CDKN2B-AS1: variants seen among roughly 807,000 people sequenced by gnomAD.
CDKN2B-AS1 encodes CDKN2B and CDKN2A antisense cis and trans regulatory RNA 1.
chr9:21,994,837 C>G (rs1035384419), upstream of CDKN2B-AS1: 1 of 165,902 alleles, frequency 6.0e-6, no homozygotes, highest in Non-Finnish European at 1.3e-5. Flanking sequence ...CAGCCGCGCT[C>G]CCGCGGATTC....
At chr9:22,123,756 T>C (rs1563995581) in intron 4 of CDKN2B-AS1, among the ~76,000 whole-genome samples, 1 of 152,192 alleles carries the variant, frequency 6.6e-6, no homozygotes, top group Non-Finnish European at 1.5e-5. Context: ...ATCTGTGTTG[T>C]TCCAGGGGAC....
intron 1 of CDKN2B-AS1, among the ~76,000 whole-genome samples, chr9:22,010,872 G>A (rs1821464435): frequency 6.6e-6 from 1 of 152,136 alleles, no homozygotes; most frequent in African/African-American, 2.4e-5. Flanking sequence ...ATTTTCTTAG[G>A]TAGTAAATAT....
intron 4 of CDKN2B-AS1, chr9:22,065,799 G>A (rs1018004640): frequency 1.3e-5 from 2 of 152,190 alleles, no homozygotes; most frequent in African/African-American, 4.8e-5. Flanking sequence ...TAGAAAATGT[G>A]AGTCAGTCTT....
At chr9:22,061,483 T>A (rs780044928) in intron 4 of CDKN2B-AS1, among the ~76,000 whole-genome samples, 23 of 152,190 alleles carry the variant, frequency 1.5e-4, no homozygotes, top group Non-Finnish European at 2.5e-4. Context: ...ATTGGGCCTA[T>A]TAGCTACAAA....
At chr9:22,109,845 T>A (rs138043452) in intron 4 of CDKN2B-AS1, among the ~76,000 whole-genome samples, 1 of 152,260 alleles carries the variant, frequency 6.6e-6, no homozygotes, top group Admixed American at 6.5e-5. Context: ...GGTGCAAGAT[T>A]TTCCATGCCT....
intron 1 of CDKN2B-AS1, among the ~76,000 whole-genome samples, chr9:22,019,520 A>T (rs1013294850): frequency 2.0e-5 from 3 of 152,242 alleles, no homozygotes; most frequent in African/African-American, 7.2e-5. Flanking sequence ...GTTGGTGATC[A>T]TGGTCACCAA....
chr9:22,089,433 A>C (rs1205634455), intron 4 of CDKN2B-AS1, among the ~76,000 whole-genome samples: 1 of 152,068 alleles, frequency 6.6e-6, no homozygotes, highest in Non-Finnish European at 1.5e-5. Flanking sequence ...ACAAAAACTT[A>C]CTAAACTTTT....
intron 1 of CDKN2B-AS1, among the ~76,000 whole-genome samples, chr9:22,021,713 G>C (rs1209420389): frequency 6.6e-6 from 1 of 152,070 alleles, no homozygotes; most frequent in Non-Finnish European, 1.5e-5. Context: ...GGGTCTTCTA[G>C]ATATAAGATC....
chr9:22,076,244 G>C (rs1824486732), intron 4 of CDKN2B-AS1, among the ~76,000 whole-genome samples: 1 of 152,060 alleles, frequency 6.6e-6, no homozygotes, highest in Non-Finnish European at 1.5e-5. Context: ...AGTAGAGACA[G>C]GGTTTCACCA....
At chr9:22,104,000 A>G (rs1210336880) in intron 4 of CDKN2B-AS1, among the ~76,000 whole-genome samples, 1 of 152,244 alleles carries the variant, frequency 6.6e-6, no homozygotes, top group Non-Finnish European at 1.5e-5. Flanking sequence ...TGAAATAAAA[A>G]TAAAATGTAG....
intron 3 of CDKN2B-AS1, chr9:22,056,247 T>TTTTTC (rs397743274): frequency 1.5e-5 from 2 of 132,688 alleles, no homozygotes; most frequent in Non-Finnish European, 3.3e-5. Flanking sequence ...TTTTTTTTTT[T>TTTTTC]CCAGTAGAGA....
chr9:22,019,288 T>C (rs1821919876), intron 1 of CDKN2B-AS1, among the ~76,000 whole-genome samples: 1 of 152,226 alleles, frequency 6.6e-6, no homozygotes, highest in South Asian at 2.1e-4. Context: ...ATACTTGGAA[T>C]GCATTTTGGA....
intron 1 of CDKN2B-AS1, among the ~76,000 whole-genome samples, chr9:22,026,683 G>A (rs1822253189): frequency 6.6e-6 from 1 of 152,196 alleles, no homozygotes; most frequent in African/African-American, 2.4e-5. Flanking sequence ...CTAACCTCCT[G>A]GGGTATGTTT....
intron 4 of CDKN2B-AS1, among the ~76,000 whole-genome samples, chr9:22,075,351 TA>T (rs1305345933): frequency 2.0e-5 from 3 of 152,296 alleles, no homozygotes; most frequent in Non-Finnish European, 1.5e-5. Context: ...AGGAGACCTT[TA>T]ACTTAAAGAG....
intron 4 of CDKN2B-AS1, among the ~76,000 whole-genome samples, chr9:22,073,808 A>G (rs975817073): frequency 6.6e-6 from 1 of 152,060 alleles, no homozygotes; most frequent in African/African-American, 2.4e-5. Flanking sequence ...TTGAAATAAG[A>G]TCATGTAAAT....
At chr9:22,024,978 C>G (rs1294628624) in intron 1 of CDKN2B-AS1, among the ~76,000 whole-genome samples, 1 of 152,208 alleles carries the variant, frequency 6.6e-6, no homozygotes, top group Non-Finnish European at 1.5e-5. Context: ...CAAGACCACT[C>G]TGCAGATATC....
At chr9:22,099,720 G>T (rs1006410823) in intron 4 of CDKN2B-AS1, among the ~76,000 whole-genome samples, 2 of 149,956 alleles carry the variant, frequency 1.3e-5, no homozygotes, top group Non-Finnish European at 3.0e-5. Context: ...GCCACATTTA[G>T]ATCCTGATGT....
intron 1 of CDKN2B-AS1, among the ~76,000 whole-genome samples, chr9:22,045,047 T>TGC (rs1823051564): frequency 6.6e-6 from 1 of 150,978 alleles, no homozygotes; most frequent in Non-Finnish European, 1.5e-5. Flanking sequence ...TTTGTGTGTG[T>TGC]GTGTGTGTGT....
At chr9:22,092,003 A>G (rs2131343261) in intron 4 of CDKN2B-AS1, among the ~76,000 whole-genome samples, 1 of 152,232 alleles carries the variant, frequency 6.6e-6, no homozygotes, top group Non-Finnish European at 1.5e-5. Flanking sequence ...TCCCATCAAT[A>G]CCTAATTTAT....
Sources: allele counts gnomAD v4.1 joint callset (sites outside exome capture counted in the v4.1 genomes callset), GRCh38; gene constraint gnomAD v4.1.1; transcripts MANE v1.5; gene names NCBI Gene and HGNC (gene_info 2026-07-23, HGNC 2026-07-21).